NCLN: variants seen among roughly 807,000 people sequenced by gnomAD.
NCLN encodes nicalin.
A neutral mutation model predicts 69.5 loss-of-function variants in NCLN; 34 were observed. That is an observed-to-expected ratio of 0.49 (90% CI 0.37 to 0.65). The LOEUF is 0.65. Among genes scored for constraint, NCLN ranks in the 30% least tolerant of loss-of-function variants. NCLN has a pLI of 0.00. For synonymous variants in NCLN, 393 were observed against 358.3 expected (o/e 1.10, Z -1.09); for missense variants, 710 against 804.8 (o/e 0.88, Z 1.42).
intron 8 of NCLN, 134 bp from the exon 9 acceptor site, chr19:3,204,439 G>A (rs1191577366): frequency 4.9e-6 from 5 of 1,021,784 alleles, no homozygotes; most frequent in South Asian, 3.6e-5. Flanking sequence ...GCCTTAGGGG[G>A]ACCCCGGGGG....
chr19:3,202,212 TAGGA>T (rs1916144475), intron 6 of NCLN, among the ~76,000 whole-genome samples: 1 of 151,644 alleles, frequency 6.6e-6, no homozygotes, highest in Non-Finnish European at 1.5e-5. Context: ...ACACCCTGAG[TAGGA>T]AGGGAGAGAG....
intron 1 of NCLN, among the ~76,000 whole-genome samples, chr19:3,189,176 C>T (rs73921259): frequency 0.023 from 3,442 of 152,268 alleles, 129 homozygotes; most frequent in African/African-American, 0.078. Flanking sequence ...TGGACTCTGG[C>T]CCTGCCGGGT....
intron 6 of NCLN, 34 bp downstream of exon 6, chr19:3,201,660 C>A: frequency 4.5e-6 from 4 of 880,440 alleles, no homozygotes; most frequent in Non-Finnish European, 7.0e-6. Context: ...GATGGGGGTG[C>A]GGGGGCCACA....
intron 9 of NCLN, 128 bp downstream of exon 9, chr19:3,204,879 C>A: frequency 9.6e-7 from 1 of 1,039,514 alleles, no homozygotes. Context: ...AGGAAGGGGC[C>A]GGTGCGTGGC....
chr19:3,195,240 T>TTTTTG (rs886599717), intron 3 of NCLN, among the ~76,000 whole-genome samples: 3 of 151,226 alleles, frequency 2.0e-5, no homozygotes, highest in African/African-American at 7.3e-5. Context: ...TGATCATATC[T>TTTTTG]TTTTGTTTTG....
Position 3,196,929 on chromosome 19 carries a change from G to A in NCLN, c.615+652G>A, listed in dbSNP as rs778980964. ...ATGAGGGGTTGCCTCACTGTCGGGGGAGCCCTGAACAAGACGTGCTTGCTG... is the reference window on the plus strand; with the variant it reads ...ATGAGGGGTTGCCTCACTGTCGGGGAAGCCCTGAACAAGACGTGCTTGCTG... On this transcript the variant is annotated intron_variant, in intron 4 of 14. Coordinates refer to ENST00000246117, the MANE Select transcript of NCLN (RefSeq NM_020170.4). Among the ~76,000 whole-genome samples the A allele has an allele frequency of 3.8e-4, 58 of 152,270 alleles. 1 individual carries two copies. The highest frequency in any genetic ancestry group is 5.9e-5 in the Non-Finnish European group (4 of 68,054).
intron 5 of NCLN, among the ~76,000 whole-genome samples, chr19:3,199,681 GCCT>G (rs1380811200): frequency 7.0e-6 from 1 of 142,318 alleles, no homozygotes; most frequent in Non-Finnish European, 1.5e-5. Context: ...CCAGCACCCT[GCCT>G]CCTCCTTTTT....
At chr19:3,203,920 A>C (rs1470937400) in intron 7 of NCLN, 76 bp downstream of exon 7, 11 of 1,569,280 alleles carry the variant, frequency 7.0e-6, no homozygotes, top group Middle Eastern at 1.8e-4. Context: ...AGGGGTTGCC[A>C]TGGGGGCAGC....
intron 1 of NCLN, among the ~76,000 whole-genome samples, chr19:3,186,540 G>C (rs1915675154): frequency 6.6e-6 from 1 of 152,156 alleles, no homozygotes; most frequent in African/African-American, 2.4e-5. Context: ...AGCTGGGCCG[G>C]CGTCTGCCTG....
intron 2 of NCLN, 112 bp downstream of exon 2, chr19:3,192,772 A>G (rs1915861195): frequency 1.0e-6 from 1 of 959,200 alleles, no homozygotes; most frequent in South Asian, 1.9e-5. Flanking sequence ...TTTGGAAAGT[A>G]GGATGGACTG....
intron 11 of NCLN, 23 bp downstream of exon 11, chr19:3,206,213 TG>T: frequency 5.1e-6 from 1 of 195,716 alleles, no homozygotes; most frequent in Non-Finnish European, 8.4e-6. Context: ...GGCCAGTGGG[TG>T]GGTGGGTGGG....
At chr19:3,192,952 C>T (rs1160831674) in intron 2 of NCLN, among the ~76,000 whole-genome samples, 40 of 152,126 alleles carry the variant, frequency 2.6e-4, no homozygotes, top group Admixed American at 2.6e-3. Flanking sequence ...AGTGATCTGG[C>T]CCCAGGGTCC....
At chr19:3,206,076 C>T (rs767541682) in intron 10 of NCLN, 50 bp downstream of exon 10, 110 of 1,595,424 alleles carry the variant, frequency 6.9e-5, no homozygotes, top group Middle Eastern at 4.5e-4. Flanking sequence ...GCCCTGCCCC[C>T]GGCCCCGGCC....
rs142358283 is a variant in NCLN at position 3,208,042 on chromosome 19, G to A, written c.*354G>A. The A allele has an allele frequency of 3.3e-4, 92 of 274,640 alleles. 1 individual carries two copies. The Middle Eastern group carries it at 4.8e-3, about 14-fold the overall frequency. 17.0% of individuals were successfully genotyped at this position (274,640 alleles called of 1,614,324 possible). A position where few individuals can be genotyped will look rare whatever the true frequency, so the allele number is the denominator to read the frequency against. ...GAGGAGACGCCGGGACCCCCTGCCC[G>A]ATCGCGCGCGGCCTCCGCCCACCGC... On this transcript the variant is annotated 3_prime_UTR_variant, in exon 15 of 15. Coordinates refer to ENST00000246117, the MANE Select transcript of NCLN (RefSeq NM_020170.4).
Position 3,198,850 on chromosome 19 carries a change from C to A in NCLN, c.649C>A (p.Pro217Thr). 6.4e-7 allele frequency: 1 copy of A among 1,570,400 alleles called. No homozygotes were observed. The highest frequency in any genetic ancestry group is 1.8e-5 in the Admixed American group (1 of 54,754). Reference sequence around the variant, plus strand: ...GACGGGGCTGGGCGGAGAGGACCTTCCCACCATCGTCATCGTGGCCCACTA... The same window carrying A: ...GACGGGGCTGGGCGGAGAGGACCTTACCACCATCGTCATCGTGGCCCACTA... ...RLTGLGGEDLPTIVIVAHYDA... is the reference protein window; with the variant it reads ...RLTGLGGEDLTTIVIVAHYDA... Residue 217 changes from proline (P) to threonine (T), a missense_variant, in exon 5 of 15, where the codon CCC becomes ACC. Transcript: ENST00000246117.
In NCLN at chr19:3,205,849, C is replaced by T. The variant is rs1370951179; in HGVS notation, c.1209-90C>T. ...TTTTAAAGACAGAGTCTCACGGTCT[C>T]CTAGGCTGGAGTGCTGGGATTACAA... On this transcript the variant is annotated intron_variant, in intron 9 of 14. Coordinates refer to ENST00000246117, the MANE Select transcript of NCLN (RefSeq NM_020170.4). The surrounding 1 kb of genome is among the most constrained non-coding windows in gnomAD (Gnocchi z 4.6). 3 of 1,154,110 alleles carry T rather than the reference C, an allele frequency of 2.6e-6. No homozygotes were observed. The East Asian group carries it at 7.0e-5, about 27-fold the overall frequency. 71.5% of individuals were successfully genotyped at this position (1,154,110 alleles called of 1,614,324 possible).
At position 3,204,695 on chromosome 19, in the gene NCLN, G is replaced by A. The variant is rs762475504; in HGVS notation, c.1152G>A (p.Thr384=). 4.4e-6 allele frequency: 7 copies of A among 1,605,112 alleles called. No homozygotes were observed. Among genetic ancestry groups the A allele is most frequent in the South Asian group, 1.1e-5 (1 of 90,104 alleles). ...RFAIRRLPAF[T]LSHLESHRDG... ...CCATCCGCCGACTGCCCGCCTTCAC[G>A]CTGTCCCACCTGGAGAGCCACCGTG... The change falls in exon 9 of 15, where the codon ACG becomes ACA. Residue 384 remains threonine (T), a synonymous_variant. Coordinates refer to ENST00000246117, the MANE Select transcript of NCLN (RefSeq NM_020170.4).
In NCLN at chr19:3,207,730, C is replaced by A; in HGVS notation, c.*42C>A. 6.4e-7 allele frequency: 1 copy of A among 1,562,932 alleles called. No homozygotes were observed. Among genetic ancestry groups the A allele is most frequent in the South Asian group, 1.1e-5 (1 of 89,570 alleles). On this transcript the variant is annotated 3_prime_UTR_variant, in exon 15 of 15. Transcript: ENST00000246117. ...GCCGGAGCCCCCGCCGCTCCACAGT[C>A]CCTGGGGCCGAGCACGAGTGAGTGG...
chr19:3,191,127 C>T (rs894289166), intron 1 of NCLN, among the ~76,000 whole-genome samples: 1 of 151,286 alleles, frequency 6.6e-6, no homozygotes, highest in Non-Finnish European at 1.5e-5. Context: ...GAGATCGTCG[C>T]GGTGCTGAGA....
Sources: allele counts gnomAD v4.1 joint callset (sites outside exome capture counted in the v4.1 genomes callset), GRCh38; gene constraint gnomAD v4.1.1; non-coding constraint Gnocchi (gnomAD v3.1); transcripts MANE v1.5; gene names NCBI Gene and HGNC (gene_info 2026-07-23, HGNC 2026-07-21).